The following CALCR variants were observed in gnomAD, a reference collection of about 807,000 sequenced individuals.
CALCR encodes calcitonin receptor.
A neutral mutation model predicts 59.5 loss-of-function variants in CALCR; 47 were observed. That is an observed-to-expected ratio of 0.79 (90% confidence interval 0.63 to 1.01). CALCR has a LOEUF of 1.01. Ranked by LOEUF, CALCR falls within the 50% of genes least tolerant of loss-of-function variation. The probability of loss-of-function intolerance (pLI) is 0.00; values close to 1 mark genes in which losing one functional copy is unlikely to be tolerated. For missense variants in CALCR, 566 were observed against 597.1 expected (o/e 0.95, Z 0.54); for synonymous variants, 213 against 211.3 (o/e 1.01, Z -0.07).
At chr7:93,561,810 C>A (rs534805401) in intron 2 of CALCR, among the ~76,000 whole-genome samples, 24 of 152,198 alleles carry the variant, frequency 1.6e-4, no homozygotes, top group Non-Finnish European at 3.2e-4. Context: ...CTGTGTGAGA[C>A]CCTGAAAAAT....
intron 3 of CALCR, among the ~76,000 whole-genome samples, chr7:93,484,525 T>C (rs537170348): frequency 1.9e-3 from 290 of 151,900 alleles, no homozygotes; most frequent in Admixed American, 3.6e-3. Context: ...ATGTTGATAA[T>C]GTATATAATT....
chr7:93,495,808 T>A, intron 2 of CALCR: 3 of 1,093,902 alleles, frequency 2.7e-6, no homozygotes, highest in African/African-American at 1.6e-5. Flanking sequence ...TTGTGGCTGA[T>A]TTAGAACATG....
chr7:93,434,248 C>T lies in CALCR; in HGVS notation c.1191+5G>A, dbSNP rs1316958421. On this transcript the variant is annotated splice_donor_5th_base_variant and intron_variant, in intron 13 of 13. Transcript: ENST00000426151. Reference sequence around the variant, plus strand: ...GTGATAGTATTATATGAAATGCATGCTTACCTCATTGTTGCAGAAGCAGTA... The same window carrying T: ...GTGATAGTATTATATGAAATGCATGTTTACCTCATTGTTGCAGAAGCAGTA... The T allele has an allele frequency of 2.5e-6, 4 of 1,604,018 alleles. No individual in the cohort carries two copies. The highest frequency in any genetic ancestry group is 3.4e-6 in the Non-Finnish European group (4 of 1,170,954).
intron 2 of CALCR, among the ~76,000 whole-genome samples, chr7:93,547,129 G>A (rs188447786): frequency 6.6e-6 from 1 of 152,246 alleles, no homozygotes; most frequent in East Asian, 1.9e-4. Flanking sequence ...GGACCTCTTA[G>A]GACAGGTTAT....
chr7:93,454,116 C>T (rs1800161345), intron 8 of CALCR, among the ~76,000 whole-genome samples: 1 of 151,966 alleles, frequency 6.6e-6, no homozygotes, highest in Non-Finnish European at 1.5e-5. Flanking sequence ...ACTCTGCTAT[C>T]TCGGTTACCT....
At chr7:93,427,801 AT>A (rs1799562176) in intron 13 of CALCR, among the ~76,000 whole-genome samples, 1 of 152,064 alleles carries the variant, frequency 6.6e-6, no homozygotes, top group Admixed American at 6.6e-5. Context: ...AATAATTAGT[AT>A]TGTTCATATA....
chr7:93,481,359 C>T (rs1410976192), intron 3 of CALCR, among the ~76,000 whole-genome samples: 1 of 151,590 alleles, frequency 6.6e-6, no homozygotes, highest in Non-Finnish European at 1.5e-5. Context: ...AAGTTGAAGG[C>T]CTGGCTGGAC....
chr7:93,468,835 C>CAAACAAACA, intron 6 of CALCR, 29 bp from the exon 7 acceptor site: 1 of 1,266,636 alleles, frequency 7.9e-7, no homozygotes, highest in African/African-American at 1.5e-5. Flanking sequence ...AACAAACAAA[C>CAAACAAACA]AATGAATGAA....
chr7:93,565,897 A>G (rs1241816572), intron 2 of CALCR, among the ~76,000 whole-genome samples: 2 of 152,204 alleles, frequency 1.3e-5, no homozygotes, highest in East Asian at 3.8e-4. Context: ...AGAAACAAAT[A>G]ATTATGCTGG....
chr7:93,484,732 A>C (rs1024966485), intron 3 of CALCR, among the ~76,000 whole-genome samples: 1 of 151,778 alleles, frequency 6.6e-6, no homozygotes, highest in Admixed American at 6.6e-5. Context: ...TAGATAAGTA[A>C]ACAAGTAACA....
At chr7:93,456,678 G>A (rs571622190) in intron 8 of CALCR, among the ~76,000 whole-genome samples, 48 of 152,170 alleles carry the variant, frequency 3.2e-4, no homozygotes, top group African/African-American at 1.1e-3. Flanking sequence ...ATGTTTTATT[G>A]TTTTTCCTTA....
intron 2 of CALCR, among the ~76,000 whole-genome samples, chr7:93,521,674 T>C (rs891280770): frequency 6.6e-6 from 1 of 152,158 alleles, no homozygotes; most frequent in Non-Finnish European, 1.5e-5. Flanking sequence ...ATATAATTCA[T>C]TGCTAGGGAC....
At chr7:93,433,447 T>A (rs1373892647) in intron 13 of CALCR, among the ~76,000 whole-genome samples, 1 of 152,220 alleles carries the variant, frequency 6.6e-6, no homozygotes, top group African/African-American at 2.4e-5. Flanking sequence ...TGGGAGTTGG[T>A]CAGTTTAATT....
intron 2 of CALCR, among the ~76,000 whole-genome samples, chr7:93,524,381 AG>A (rs1801832321): frequency 6.6e-6 from 1 of 151,966 alleles, no homozygotes; most frequent in African/African-American, 2.4e-5. Context: ...CGTGTTAGCC[AG>A]GATGGTCTTG....
At chr7:93,472,077 G>A (rs1050805194) in intron 6 of CALCR, among the ~76,000 whole-genome samples, 2 of 151,684 alleles carry the variant, frequency 1.3e-5, no homozygotes, top group African/African-American at 4.8e-5. Context: ...CTAATTTCTG[G>A]CATCATTGGG....
At chr7:93,555,920 T>G (rs1376041543) in intron 2 of CALCR, among the ~76,000 whole-genome samples, 1 of 152,200 alleles carries the variant, frequency 6.6e-6, no homozygotes, top group Non-Finnish European at 1.5e-5. Context: ...TCCATTGAGA[T>G]CTTTTAGAAC....
At chr7:93,568,464 C>T (rs1016993753) in intron 2 of CALCR, among the ~76,000 whole-genome samples, 7 of 151,002 alleles carry the variant, frequency 4.6e-5, no homozygotes, top group East Asian at 2.0e-4. Flanking sequence ...GGTAACATCC[C>T]GCATGAGTGC....
chr7:93,553,564 T>C lies in CALCR; in HGVS notation c.-27+20725A>G, dbSNP rs556145075. Among the ~76,000 whole-genome samples the C allele has an allele frequency of 1.1e-4, 17 of 152,086 alleles. No homozygotes were observed. In the East Asian group the frequency reaches 2.9e-3, roughly 26 times the overall value. On this transcript the variant is annotated intron_variant, in intron 2 of 13. Transcript: ENST00000426151. ...GAGTGGGGTCAGACTTCCTGACAGA[T>C]CTGTCAATAAGCTCTGCTCATTATT...
chr7:93,499,917 T>A (rs1189655886), intron 2 of CALCR, among the ~76,000 whole-genome samples: 1 of 151,880 alleles, frequency 6.6e-6, no homozygotes, highest in African/African-American at 2.4e-5. Context: ...GGGATTAAGA[T>A]ATAGTCCTTA....
Sources: gnomAD v4.1 joint callset for allele counts (sites outside exome capture counted in the v4.1 genomes callset) on GRCh38, gnomAD v4.1.1 for gene constraint, MANE v1.5 for transcripts, NCBI Gene and HGNC (gene_info 2026-07-23, HGNC 2026-07-21) for gene names.